The following GABRB2 variants were observed in gnomAD, a reference collection of about 807,000 sequenced individuals.
GABRB2 encodes gamma-aminobutyric acid type A receptor subunit beta2, also known as gamma-aminobutyric acid receptor subunit beta-2.
GABRB2 carries 16 observed loss-of-function variants against 54.7 expected under a neutral mutation model. The observed-to-expected ratio is 0.29, with a 90% confidence interval of 0.20 to 0.44. The LOEUF is 0.44. Among genes scored for constraint, GABRB2 ranks in the 20% least tolerant of loss-of-function variants. The pLI, the probability that GABRB2 is intolerant of heterozygous loss-of-function variation, is 1.00. For missense variants in GABRB2, 355 were observed against 644.0 expected, an observed-to-expected ratio of 0.55 and a Z score of 4.86; for synonymous variants, 244 against 233.8, an observed-to-expected ratio of 1.04 and a Z score of -0.40.
At chr5:161,320,178 C>T (rs900603595) in intron 9 of GABRB2, among the ~76,000 whole-genome samples, 1 of 151,548 alleles carries the variant, frequency 6.6e-6, no homozygotes, top group Admixed American at 6.6e-5. Context: ...TATTTTGTTG[C>T]TGAACTTTTT....
chr5:161,433,276 C>A (rs1757219737), intron 4 of GABRB2, among the ~76,000 whole-genome samples: 1 of 151,866 alleles, frequency 6.6e-6, no homozygotes, highest in Admixed American at 6.6e-5. Flanking sequence ...AATTCTTTGG[C>A]AGTAGTTTTT....
chr5:161,391,588 G>A (rs114440344), intron 5 of GABRB2, among the ~76,000 whole-genome samples: 3,652 of 151,946 alleles, frequency 0.024, 146 homozygotes, highest in African/African-American at 0.082. Context: ...TAACATCATC[G>A]CCAAAAAAAG....
chr5:161,524,146 C>G (rs987667933), intron 3 of GABRB2, among the ~76,000 whole-genome samples: 2 of 151,252 alleles, frequency 1.3e-5, no homozygotes, highest in African/African-American at 4.8e-5. Context: ...TAGAATGAAA[C>G]TTTTAAGAAC....
chr5:161,330,018 T>C (rs1391856819), intron 8 of GABRB2: 1 of 152,180 alleles, frequency 6.6e-6, no homozygotes, highest in Non-Finnish European at 1.5e-5. Flanking sequence ...TTAGAATAAC[T>C]TGGGGAACTT....
At chr5:161,511,132 G>C (rs1759755718) in intron 3 of GABRB2, among the ~76,000 whole-genome samples, 1 of 151,894 alleles carries the variant, frequency 6.6e-6, no homozygotes, top group Non-Finnish European at 1.5e-5. Flanking sequence ...CATTATAGGG[G>C]TACTTTCTCA....
chr5:161,540,749 T>C (rs1174728955), intron 3 of GABRB2, among the ~76,000 whole-genome samples: 1 of 152,170 alleles, frequency 6.6e-6, no homozygotes, highest in Non-Finnish European at 1.5e-5. Context: ...TCTTTGTACC[T>C]CTCCATCAGA....
In GABRB2 at chr5:161,337,892, A is replaced by G. The variant is rs147389427; in HGVS notation, c.542-1123T>C. ...TGCATCTGGATAGTTGATGTTCACA[A>G]GTCTGGGAGACAGGCAAGGTGGACA... On this transcript the variant is annotated intron_variant, in intron 5 of 9. Coordinates refer to ENST00000393959, the MANE Select transcript of GABRB2 (RefSeq NM_001371727.1). 5.2e-3 allele frequency among the ~76,000 whole-genome samples: 798 copies of G among 152,302 alleles called. 3 individuals carry two copies. Among genetic ancestry groups the G allele is most frequent in the Middle Eastern group, 0.024 (7 of 294 alleles).
chr5:161,451,997 T>C (rs1410235633), intron 4 of GABRB2, among the ~76,000 whole-genome samples: 3 of 152,128 alleles, frequency 2.0e-5, no homozygotes, highest in Admixed American at 2.0e-4. Context: ...TTGAAGAGTT[T>C]TCAATGTGAT....
Position 161,344,144 on chromosome 5 carries a change from A to AT in GABRB2, c.542-7376dup, listed in dbSNP as rs578115999. ...CTAGCCGTATCCAAAGAAGAACAAA[A>AT]TTTTTTCTGAACAAAGGTTTTCATA... is the stretch of plus-strand genomic sequence containing the variant. On this transcript the variant is annotated intron_variant, in intron 5 of 9. Transcript: ENST00000393959. Among the ~76,000 whole-genome samples, 9 of 152,098 alleles carry AT rather than the reference A, an allele frequency of 5.9e-5. No individual in the cohort carries two copies. The South Asian group carries it at 1.7e-3, about 28-fold the overall frequency.
chr5:161,546,602 G>A lies in GABRB2; in HGVS notation c.42C>T (p.Ser14=), dbSNP rs1490223469. 3 of 1,601,180 alleles carry A rather than the reference G, an allele frequency of 1.9e-6. No homozygotes were observed. Among genetic ancestry groups the A allele is most frequent in the South Asian group, 2.3e-5 (2 of 88,596 alleles). Residue 14 remains serine (S), a synonymous_variant, in exon 1 of 10, where the codon TCC becomes TCT. Coordinates refer to ENST00000393959, the MANE Select transcript of GABRB2 (RefSeq NM_001371727.1). ...VRKRGYFGIW[S]FPLIIAAVCA... is the part of the protein sequence containing the mutation. ...AGACAGCGGCGATTATTAAGGGGAA[G>A]GACCAAATCCCAAAGTAGCCCCTTT...
chr5:161,333,001 C>T (rs6891988), intron 7 of GABRB2, among the ~76,000 whole-genome samples: 8,351 of 152,176 alleles, frequency 0.055, 633 homozygotes, highest in African/African-American at 0.16. Context: ...ATTTCAACTA[C>T]GGATGATCCT....
chr5:161,482,674 G>C (rs1004303711), intron 3 of GABRB2, among the ~76,000 whole-genome samples: 11 of 152,070 alleles, frequency 7.2e-5, no homozygotes, highest in African/African-American at 2.7e-4. Flanking sequence ...GCATGTCATA[G>C]TTATCCAAAG....
chr5:161,326,871 G>A (rs1758379467), intron 8 of GABRB2: 1 of 470,318 alleles, frequency 2.1e-6, no homozygotes, highest in South Asian at 9.0e-5. Context: ...AAATACCACG[G>A]TGGTAAAAAG....
At chr5:161,362,293 G>GT (rs1158110951) in intron 5 of GABRB2, among the ~76,000 whole-genome samples, 1 of 152,052 alleles carries the variant, frequency 6.6e-6, no homozygotes, top group Non-Finnish European at 1.5e-5. Context: ...ATGTAAAGTA[G>GT]TTTTTTTCTA....
chr5:161,444,643 T>C (rs9313883), intron 4 of GABRB2, among the ~76,000 whole-genome samples: 64,789 of 151,948 alleles, frequency 0.43, 15,234 homozygotes, highest in African/African-American at 0.64. Context: ...ATTGCTGATC[T>C]TATCTTTAAA....
At chr5:161,499,681 A>C (rs934019030) in intron 3 of GABRB2, among the ~76,000 whole-genome samples, 2 of 152,194 alleles carry the variant, frequency 1.3e-5, no homozygotes, top group African/African-American at 4.8e-5. Flanking sequence ...CCAGGGAAAC[A>C]TTTTCAAGTA....
intron 3 of GABRB2, among the ~76,000 whole-genome samples, chr5:161,520,448 G>T (rs1006207363): frequency 1.3e-5 from 2 of 152,010 alleles, no homozygotes; most frequent in Non-Finnish European, 2.9e-5. Context: ...AAAATAAAAT[G>T]ATCCTATTTT....
intron 3 of GABRB2, among the ~76,000 whole-genome samples, chr5:161,464,528 G>T (rs1287543853): frequency 1.3e-5 from 2 of 152,090 alleles, no homozygotes; most frequent in African/African-American, 4.8e-5. Flanking sequence ...GTGGGAAGCA[G>T]TTTGACAATT....
At chr5:161,316,804 G>A (rs992898112) in intron 9 of GABRB2, among the ~76,000 whole-genome samples, 2 of 152,002 alleles carry the variant, frequency 1.3e-5, no homozygotes, top group East Asian at 1.9e-4. Flanking sequence ...CAAAGACAGT[G>A]TTTCACCACG....
Sources: gnomAD v4.1 joint callset for allele counts (sites outside exome capture counted in the v4.1 genomes callset) on GRCh38, gnomAD v4.1.1 for gene constraint, MANE v1.5 for transcripts, NCBI Gene and HGNC (gene_info 2026-07-23, HGNC 2026-07-21) for gene names.